CYP2R1: variants seen among roughly 807,000 people sequenced by gnomAD.
CYP2R1 encodes the protein vitamin D 25-hydroxylase.
In CYP2R1, 40 loss-of-function variants were observed where a neutral mutation model predicts 45.7. The observed-to-expected ratio is 0.87, with a 90% CI of 0.68 to 1.14. The LOEUF (loss-of-function observed/expected upper bound fraction) is 1.14, where lower values mean the gene tolerates loss of function less well. CYP2R1 is among the 50% of genes most tolerant of loss of function. CYP2R1 has a pLI of 0.00. For synonymous variants in CYP2R1, 234 were observed against 219.3 expected, an observed-to-expected ratio of 1.07 and a Z score of -0.59; for missense variants, 605 against 602.6, an observed-to-expected ratio of 1.00 and a Z score of -0.04.
At chr11:14,878,943 A>G (rs782632982) in intron 4 of CYP2R1, among the ~76,000 whole-genome samples, 171 bp downstream of exon 4, 21 of 152,272 alleles carry the variant, frequency 1.4e-4, no homozygotes, top group Non-Finnish European at 2.8e-4. Context: ...TTAAGCCGAA[A>G]CAGATGTTAA....
rs782142986 is a variant in CYP2R1, at chr11:14,892,089, G to A, written c.117C>T (p.Phe39=). 4.3e-6 allele frequency: 7 copies of A among 1,611,706 alleles called. No individual in the cohort carries two copies. The African/African-American group carries it at 5.3e-5, about 12-fold the overall frequency. The change falls in exon 1 of 5, where the codon TTC becomes TTT. Residue 39 remains phenylalanine, a synonymous_variant. Transcript: ENST00000334636. The stretch of plus-strand genomic sequence containing the variant: ...ATGGCAGCCCCGGCGGCCCCGGGGG[G>A]AAGCCCATCGGCCGCCTCTGCTTCA... ...QLLKQRRPMG[F]PPGPPGLPFI...
rs782434537 is a variant in CYP2R1, at chr11:14,892,020, G to A, written c.186C>T (p.Pro62=). The change falls in exon 1 of 5, where the codon CCC becomes CCT. Residue 62 remains proline (P), a synonymous_variant. Coordinates refer to ENST00000334636, the MANE Select transcript of CYP2R1 (RefSeq NM_024514.5). ...GGCTCTGCTTTCTCATGTAGACATG[G>A]GGAAGCTCGGATGAGGCTGCCAGGG... ...IYSLAASSEL[P]HVYMRKQSQV... is the part of the protein sequence containing the mutation. 15 of 1,613,196 alleles carry A rather than the reference G, an allele frequency of 9.3e-6. No homozygotes were observed. Among genetic ancestry groups the A allele is most frequent in the Admixed American group, 3.3e-5 (2 of 59,996 alleles).
chr11:14,892,294 C>T (rs1848894746), upstream of CYP2R1: 3 of 1,296,444 alleles, frequency 2.3e-6, no homozygotes, highest in Non-Finnish European at 3.2e-6. Flanking sequence ...GCAGGATACC[C>T]TCAGGTCCCG....
At chr11:14,887,402 AATTTTT>A (rs1299301106) in intron 1 of CYP2R1, 1 of 167,312 alleles carries the variant, frequency 6.0e-6, no homozygotes, top group African/African-American at 2.4e-5. Context: ...GAACTGGAGA[AATTTTT>A]ACTTGAACTA....
intron 2 of CYP2R1, among the ~76,000 whole-genome samples, chr11:14,882,098 A>G (rs367870464): frequency 3.9e-5 from 6 of 152,032 alleles, no homozygotes; most frequent in East Asian, 3.9e-4. Context: ...TCTTTTTTCT[A>G]TACTCCCAGA....
chr11:14,884,549 G>A (rs1848532339), intron 2 of CYP2R1, among the ~76,000 whole-genome samples: 1 of 117,348 alleles, frequency 8.5e-6, no homozygotes, highest in Non-Finnish European at 1.7e-5. Context: ...GGGGGAGGGG[G>A]AGGGATAGCA....
At chr11:14,885,993 G>C (rs753817846) in intron 1 of CYP2R1, 76 bp from the exon 2 acceptor site, 59 of 1,425,406 alleles carry the variant, frequency 4.1e-5, no homozygotes, top group Non-Finnish European at 5.0e-5. Flanking sequence ...TCTACAAGTG[G>C]TAAGTGCGGC....
intron 2 of CYP2R1, among the ~76,000 whole-genome samples, chr11:14,882,264 A>G (rs1555012554): frequency 6.6e-6 from 1 of 152,150 alleles, no homozygotes; most frequent in Middle Eastern, 3.2e-3. Flanking sequence ...AAGACAGACA[A>G]AACAACAAAT....
intron 4 of CYP2R1, 65 bp downstream of exon 4, chr11:14,879,049 T>A: frequency 7.9e-7 from 1 of 1,272,902 alleles, no homozygotes; most frequent in East Asian, 2.3e-5. Flanking sequence ...CAGATTAAGA[T>A]GCTGTATCTA....
rs782371734 is a variant in CYP2R1 at position 14,880,706 on chromosome 11, A to G, written c.430T>C (p.Phe144Leu). ...VDHRRLAVNS[F>L]RYFGYGQKSF... ...TTTTGGCCATATCCAAAATATCGAA[A>G]ACTGTTTACAGCTAATCGTCTGTGA... The change falls in exon 3 of 5, where the codon TTT becomes CTT. Residue 144 changes from phenylalanine to leucine, a missense_variant. Phe to Leu is a conservative substitution (Grantham distance 22). Coordinates refer to ENST00000334636, the MANE Select transcript of CYP2R1 (RefSeq NM_024514.5). The G allele has an allele frequency of 2.5e-6, 4 of 1,597,902 alleles. No individual in the cohort carries two copies. Among genetic ancestry groups the G allele is most frequent in the Non-Finnish European group, 3.4e-6 (4 of 1,175,574 alleles).
chr11:14,882,262 C>A (rs1020662683), intron 2 of CYP2R1, among the ~76,000 whole-genome samples: 24 of 152,084 alleles, frequency 1.6e-4, no homozygotes, highest in African/African-American at 5.5e-4. Flanking sequence ...GAAAGACAGA[C>A]AAAACAACAA....
chr11:14,886,788 G>A (rs1848636155), intron 1 of CYP2R1: 1 of 152,254 alleles, frequency 6.6e-6, no homozygotes, highest in Non-Finnish European at 1.5e-5. Context: ...GTGCAAACAA[G>A]TCAAGGAGAT....
rs1042186507 is a variant in CYP2R1, at chr11:14,892,222, T to A, written c.-17A>T. On this transcript the variant is annotated 5_prime_UTR_variant, in exon 1 of 5. Coordinates refer to ENST00000334636, the MANE Select transcript of CYP2R1 (RefSeq NM_024514.5). The stretch of plus-strand genomic sequence containing the variant: ...CTTCCACATCGGCCCGAGCTGGAGG[T>A]GCGAACTCCACAGCAGCCCTGAGAC... The A allele has an allele frequency of 6.2e-7, 1 of 1,606,106 alleles. No homozygotes were observed. Among genetic ancestry groups the A allele is most frequent in the South Asian group, 1.1e-5 (1 of 90,526 alleles).
At chr11:14,890,806 C>G in intron 1 of CYP2R1, 2 of 952,718 alleles carry the variant, frequency 2.1e-6, no homozygotes, top group Non-Finnish European at 2.5e-6. Flanking sequence ...CCTCGGCCTC[C>G]TAAAGTGCTG....
In CYP2R1 at chr11:14,885,867, A is replaced by T. The variant is rs1565184841; in HGVS notation, c.276T>A (p.Tyr92Ter). The T allele has an allele frequency of 6.2e-7, 1 of 1,613,666 alleles. No homozygotes were observed. Among genetic ancestry groups the T allele is most frequent in the Non-Finnish European group, 8.5e-7 (1 of 1,179,716 alleles). ...GGISTVVLNG[Y>*]DVVKECLVHQ... ...GAACAAGGCATTCCTTTACTACATC[A>T]TAGCCATTTAGAACCACAGTTGATA... The change falls in exon 2 of 5, where the codon TAT (tyrosine) becomes TAA (stop). Residue 92 changes from tyrosine (Y) to a stop codon, truncating the protein, a stop_gained. Coordinates refer to ENST00000334636, the MANE Select transcript of CYP2R1 (RefSeq NM_024514.5). LOFTEE classifies it high-confidence loss of function.
chr11:14,877,800 T>A lies in CYP2R1; in HGVS notation c.*322A>T, dbSNP rs1848213310. 4.1e-6 allele frequency: 1 copy of A among 246,020 alleles called. No individual in the cohort carries two copies. The allele number at this position is 246,020 out of a possible 1,614,324, so 15.2% of individuals were successfully genotyped here. ...CCCCCAGGACAGAAGGCAGATGGAGTCAAGAAGGGATGAAAGTACCTGGTA... is the reference window on the plus strand; with the variant it reads ...CCCCCAGGACAGAAGGCAGATGGAGACAAGAAGGGATGAAAGTACCTGGTA... On this transcript the variant is annotated 3_prime_UTR_variant, in exon 5 of 5. Coordinates refer to ENST00000334636, the MANE Select transcript of CYP2R1 (RefSeq NM_024514.5).
Position 14,885,859 on chromosome 11 carries a change from A to C in CYP2R1, c.284T>G (p.Val95Gly). 6.2e-7 allele frequency: 1 copy of C among 1,613,554 alleles called. No homozygotes were observed. Among genetic ancestry groups the C allele is most frequent in the Non-Finnish European group, 8.5e-7 (1 of 1,179,636 alleles). The change falls in exon 2 of 5, where the codon GTA (valine) becomes GGA (glycine). Residue 95 changes from valine to glycine, a missense_variant. Val to Gly is a moderately radical substitution (Grantham distance 109). Coordinates refer to ENST00000334636, the MANE Select transcript of CYP2R1 (RefSeq NM_024514.5). Reference protein sequence around the residue: ...STVVLNGYDVVKECLVHQSEI... With the variant: ...STVVLNGYDVGKECLVHQSEI... ...GCTTTGATGAACAAGGCATTCCTTT[A>C]CTACATCATAGCCATTTAGAACCAC...
rs781964722 is a variant in CYP2R1 at position 14,880,372 on chromosome 11, T to G, written c.764A>C (p.Asp255Ala). 1.2e-6 allele frequency: 2 copies of G among 1,613,348 alleles called. No homozygotes were observed. Among genetic ancestry groups the G allele is most frequent in the South Asian group, 2.2e-5 (2 of 91,062 alleles). ...QLFRNAAVVY[D>A]FLSRLIEKAS... Reference sequence around the variant, plus strand: ...TTTTTCAATGAGTCTGGAGAGAAAATCATAGACTACAGCTGCATTTCTAAA... The same window carrying G: ...TTTTTCAATGAGTCTGGAGAGAAAAGCATAGACTACAGCTGCATTTCTAAA... Residue 255 changes from aspartate (D) to alanine (A), a missense_variant, in exon 3 of 5, where the codon GAT (aspartate) becomes GCT (alanine). By Grantham distance (126) the Asp-to-Ala change is moderately radical. Transcript: ENST00000334636.
intron 1 of CYP2R1, 171 bp downstream of exon 1, chr11:14,891,810 A>G (rs1319837435): frequency 7.0e-7 from 1 of 1,419,560 alleles, no homozygotes; most frequent in African/African-American, 1.5e-5. Context: ...CACGGCGTCG[A>G]GGACTTCTCC....
Sources: allele counts gnomAD v4.1 joint callset (sites outside exome capture counted in the v4.1 genomes callset), GRCh38; gene constraint gnomAD v4.1.1; transcripts MANE v1.5; gene names NCBI Gene and HGNC (gene_info 2026-07-23, HGNC 2026-07-21).